Variants in EDNRA observed in about 807,000 individuals in gnomAD.
The protein encoded by EDNRA is endothelin receptor type A, also known as endothelin-1 receptor.
A neutral mutation model predicts 41.4 loss-of-function variants in EDNRA; 11 were observed. The ratio of observed to expected loss-of-function variants is 0.27; its 90% CI spans 0.17 to 0.44. The LOEUF (loss-of-function observed/expected upper bound fraction) is 0.44. Ranked by LOEUF, EDNRA falls within the 20% of genes least tolerant of loss-of-function variation. EDNRA has a pLI of 1.00. For synonymous variants in EDNRA, 172 were observed against 183.0 expected (o/e 0.94, Z 0.49); for missense variants, 294 against 531.0 (o/e 0.55, Z 4.39).
chr4:147,507,134 G>C (rs957604861), intron 2 of EDNRA, among the ~76,000 whole-genome samples: 7 of 150,318 alleles, frequency 4.7e-5, no homozygotes, highest in Admixed American at 4.6e-4. Flanking sequence ...GAATCAAAGA[G>C]AATAATATAG....
chr4:147,527,480 A>T (rs900752809), intron 3 of EDNRA, among the ~76,000 whole-genome samples: 2 of 152,266 alleles, frequency 1.3e-5, no homozygotes, highest in Admixed American at 6.5e-5. Flanking sequence ...GAGTCATATG[A>T]TTATAGTCTA....
intron 7 of EDNRA, among the ~76,000 whole-genome samples, chr4:147,540,743 T>G (rs1731070182): frequency 6.6e-6 from 1 of 152,076 alleles, no homozygotes. Context: ...AGAACCCTCC[T>G]TTAGAGAGAA....
chr4:147,491,609 G>C (rs1304828340), intron 2 of EDNRA: 2 of 151,922 alleles, frequency 1.3e-5, no homozygotes, highest in Non-Finnish European at 2.9e-5. Flanking sequence ...TTTGTCAAAG[G>C]GATTCTTCAT....
chr4:147,505,978 T>C (rs915377859), intron 2 of EDNRA: 1 of 321,844 alleles, frequency 3.1e-6, no homozygotes, highest in Non-Finnish European at 6.0e-6. Flanking sequence ...AATATGCAAT[T>C]ACCATAAGAC....
intron 2 of EDNRA, among the ~76,000 whole-genome samples, chr4:147,504,320 A>G (rs913133840): frequency 1.6e-4 from 25 of 152,338 alleles, no homozygotes; most frequent in African/African-American, 5.1e-4. Flanking sequence ...TCTCTCTTGT[A>G]CTTTGCATAG....
intron 2 of EDNRA, chr4:147,489,571 A>C (rs1378333562): frequency 1.3e-5 from 2 of 152,196 alleles, no homozygotes; most frequent in African/African-American, 4.8e-5. Context: ...AATGTAATAT[A>C]AAACACAACT....
chr4:147,502,858 C>A (rs1729562253), intron 2 of EDNRA, among the ~76,000 whole-genome samples: 2 of 152,038 alleles, frequency 1.3e-5, no homozygotes, highest in African/African-American at 4.8e-5. Flanking sequence ...ATGTATTTAG[C>A]CTAATTGCTG....
intron 3 of EDNRA, among the ~76,000 whole-genome samples, chr4:147,524,727 A>G (rs1433795363): frequency 6.6e-6 from 1 of 152,146 alleles, no homozygotes; most frequent in African/African-American, 2.4e-5. Context: ...CTATTTTTAC[A>G]TTTCATTTGG....
chr4:147,496,457 G>T (rs1023471332), intron 2 of EDNRA, among the ~76,000 whole-genome samples: 1 of 152,202 alleles, frequency 6.6e-6, no homozygotes, highest in African/African-American at 2.4e-5. Flanking sequence ...TTTTAAATAT[G>T]TTATTGAAAT....
At chr4:147,482,847 G>C (rs1003114966) in intron 1 of EDNRA, among the ~76,000 whole-genome samples, 13 of 152,174 alleles carry the variant, frequency 8.5e-5, no homozygotes, top group Admixed American at 4.6e-4. Context: ...CCTCTGATGA[G>C]TAGAGCAGTA....
At chr4:147,536,120 C>T in intron 5 of EDNRA, 91 bp downstream of exon 5, 1 of 1,402,814 alleles carries the variant, frequency 7.1e-7, no homozygotes, top group Admixed American at 1.9e-5. Flanking sequence ...TAGAATTAGC[C>T]TGATTTCCTA....
chr4:147,539,696 C>T, intron 5 of EDNRA, 121 bp from the exon 6 acceptor site: 2 of 1,160,596 alleles, frequency 1.7e-6, no homozygotes, highest in Non-Finnish European at 2.4e-6. Flanking sequence ...CCAGGCTGTT[C>T]TCCTGGCTCT....
In EDNRA at chr4:147,543,282, A is replaced by G. The variant is rs1731178059; in HGVS notation, c.*664A>G. On this transcript the variant is annotated 3_prime_UTR_variant, in exon 8 of 8. Coordinates refer to ENST00000651419, the MANE Select transcript of EDNRA (RefSeq NM_001957.4). Reference sequence around the variant, plus strand: ...AAATTCTAAAGCTACAACAAATACTACAGGCCCTTAAAGCACAGTCTGATG... The same window carrying G: ...AAATTCTAAAGCTACAACAAATACTGCAGGCCCTTAAAGCACAGTCTGATG... The G allele has an allele frequency of 6.6e-6, 1 of 152,244 alleles. No individual in the cohort carries two copies. The highest frequency in any genetic ancestry group is 2.4e-5 in the African/African-American group (1 of 41,480). 9.4% of individuals were successfully genotyped at this position (152,244 alleles called of 1,614,324 possible). A position where few individuals can be genotyped will look rare whatever the true frequency, so the allele number is the denominator to read the frequency against.
intron 2 of EDNRA, among the ~76,000 whole-genome samples, chr4:147,513,156 A>G (rs1729983755): frequency 6.6e-6 from 1 of 152,136 alleles, no homozygotes; most frequent in South Asian, 2.1e-4. Context: ...CTGAGCTACT[A>G]TGCCAAGCCA....
At chr4:147,489,846 CTT>C (rs1422693970) in intron 2 of EDNRA, 1 of 152,172 alleles carries the variant, frequency 6.6e-6, no homozygotes, top group Non-Finnish European at 1.5e-5. Context: ...ACCTGTCCCC[CTT>C]TTCCCCCATG....
intron 2 of EDNRA, among the ~76,000 whole-genome samples, chr4:147,507,148 G>GA (rs1729745370): frequency 1.3e-5 from 2 of 149,842 alleles, no homozygotes; most frequent in South Asian, 4.2e-4. Flanking sequence ...AATATAGCAA[G>GA]AAAAAAACAG....
intron 2 of EDNRA, among the ~76,000 whole-genome samples, chr4:147,514,323 G>A (rs377322774): frequency 6.6e-6 from 1 of 152,140 alleles, no homozygotes; most frequent in Non-Finnish European, 1.5e-5. Flanking sequence ...GCCTTATTTT[G>A]TAGTGCTAAG....
chr4:147,497,765 G>C (rs1304439285), intron 2 of EDNRA, among the ~76,000 whole-genome samples: 3 of 152,092 alleles, frequency 2.0e-5, no homozygotes, highest in African/African-American at 7.2e-5. Flanking sequence ...GTAGAGACGA[G>C]GTTTCACCGT....
At chr4:147,532,428 C>T in intron 3 of EDNRA, 78 bp from the exon 4 acceptor site, 1 of 1,340,914 alleles carries the variant, frequency 7.5e-7, no homozygotes, top group East Asian at 2.3e-5. Flanking sequence ...GAGGAACTTC[C>T]CAGCACTTAC....
Sources: allele counts gnomAD v4.1 joint callset (sites outside exome capture counted in the v4.1 genomes callset), GRCh38; gene constraint gnomAD v4.1.1; transcripts MANE v1.5; gene names NCBI Gene and HGNC (gene_info 2026-07-23, HGNC 2026-07-21).